EPS15: variants seen among roughly 807,000 people sequenced by gnomAD.
EPS15 encodes the protein epidermal growth factor receptor substrate 15.
Under a neutral mutation model 113.8 loss-of-function variants are expected in EPS15, and 72 were observed. That is an observed-to-expected ratio of 0.63 (90% CI 0.52 to 0.77). EPS15 has a LOEUF of 0.77. Among genes scored for constraint, EPS15 ranks in the 30% least tolerant of loss-of-function variants. The probability of loss-of-function intolerance (pLI) is 0.00; values close to 1 mark genes in which losing one functional copy is unlikely to be tolerated. For synonymous variants in EPS15, 344 were observed against 363.4 expected (o/e 0.95, Z 0.61); for missense variants, 1,048 against 1,045.8 (o/e 1.00, Z -0.03).
At chr1:51,490,434 G>A (rs891118532) in intron 1 of EPS15, 22 of 296,906 alleles carry the variant, frequency 7.4e-5, no homozygotes, top group East Asian at 1.3e-4. Flanking sequence ...GCGTGGTGGC[G>A]GGTGCCTGTA....
intron 2 of EPS15, among the ~76,000 whole-genome samples, chr1:51,478,667 T>G (rs1212330141): frequency 6.6e-6 from 1 of 151,608 alleles, no homozygotes; most frequent in African/African-American, 2.4e-5. Flanking sequence ...ACAAAATCTC[T>G]CAGCATTTGC....
chr1:51,380,217 T>A (rs1245065369), intron 21 of EPS15, among the ~76,000 whole-genome samples: 1 of 148,646 alleles, frequency 6.7e-6, no homozygotes, highest in African/African-American at 2.5e-5. Context: ...AGAGCAAAAC[T>A]CTGCCTCAAA....
Position 51,409,607 on chromosome 1 carries a change from C to T in EPS15, c.1203G>A (p.Leu401=). The T allele has an allele frequency of 1.2e-6, 2 of 1,614,060 alleles. No homozygotes were observed. The highest frequency in any genetic ancestry group is 1.7e-6 in the Non-Finnish European group (2 of 1,179,956). The change falls in exon 14 of 25, where the codon CTG becomes CTA. Residue 401 remains leucine, a synonymous_variant. Transcript: ENST00000371733. ...KQQVQELLDE[L]DEQKAQLEEQ... is the part of the protein sequence containing the mutation. ...CCTCCAGCTGGGCTTTCTGCTCATC[C>T]AGTTCATCAAGGAGTTCCTGTACCT...
intron 21 of EPS15, among the ~76,000 whole-genome samples, chr1:51,388,233 C>T (rs374129509): frequency 2.3e-4 from 35 of 151,780 alleles, no homozygotes; most frequent in African/African-American, 8.0e-4. Context: ...GGGTACATAA[C>T]GAAATGAAGG....
intron 12 of EPS15, 27 bp downstream of exon 12, chr1:51,440,318 TGA>T (rs1652494842): frequency 2.3e-6 from 2 of 883,956 alleles, no homozygotes; most frequent in Non-Finnish European, 3.7e-6. Flanking sequence ...TGTGTGTATG[TGA>T]GTAGGCTGTA....
intron 1 of EPS15, among the ~76,000 whole-genome samples, chr1:51,491,620 C>A (rs1267538171): frequency 1.3e-5 from 2 of 151,996 alleles, no homozygotes; most frequent in African/African-American, 4.8e-5. Flanking sequence ...AAAATAGAAA[C>A]CGGAAGCTGT....
chr1:51,466,933 T>A (rs1052844187), intron 5 of EPS15, among the ~76,000 whole-genome samples: 2 of 152,076 alleles, frequency 1.3e-5, no homozygotes, highest in Admixed American at 1.3e-4. Context: ...AAAGAGTTAA[T>A]GTCCTAATAA....
At chr1:51,489,781 T>C (rs1570415734) in intron 1 of EPS15, among the ~76,000 whole-genome samples, 1 of 152,108 alleles carries the variant, frequency 6.6e-6, no homozygotes, top group Non-Finnish European at 1.5e-5. Context: ...CAGTTCCAAG[T>C]AGAAGCTTCA....
chr1:51,490,564 C>CAA (rs60149665), intron 1 of EPS15, among the ~76,000 whole-genome samples: 74 of 76,368 alleles, frequency 9.7e-4, no homozygotes, highest in Non-Finnish European at 1.2e-3. Context: ...GACTCCATCT[C>CAA]AAAAAAAAAA....
intron 23 of EPS15, among the ~76,000 whole-genome samples, chr1:51,362,161 A>G (rs970612272): frequency 6.6e-6 from 1 of 152,220 alleles, no homozygotes; most frequent in Non-Finnish European, 1.5e-5. Context: ...AATAGCAATC[A>G]TAACAACAGA....
chr1:51,512,035 T>C (rs1644630728), intron 1 of EPS15, among the ~76,000 whole-genome samples: 1 of 152,226 alleles, frequency 6.6e-6, no homozygotes, highest in Non-Finnish European at 1.5e-5. Context: ...TTTGAAAGCC[T>C]TATTTATATC....
intron 5 of EPS15, among the ~76,000 whole-genome samples, chr1:51,466,090 A>G (rs899856534): frequency 1.3e-5 from 2 of 148,626 alleles, no homozygotes; most frequent in African/African-American, 5.0e-5. Flanking sequence ...CTAGATTTAA[A>G]AAACATGTCA....
rs185743825 is a variant in EPS15, at chr1:51,373,002, C to G, written c.2120-6973G>C. ...TGCAGCAGTCTGTCAAGGCCTTGTA[C>G]CTGAAGATCAACGACCAAATGGCAG... On this transcript the variant is annotated intron_variant, in intron 21 of 24. Coordinates refer to ENST00000371733, the MANE Select transcript of EPS15 (RefSeq NM_001981.3). 5.0e-5 allele frequency: 14 copies of G among 279,980 alleles called. No homozygotes were observed. The Admixed American group carries it at 6.8e-4, about 14-fold the overall frequency. 17.3% of individuals were successfully genotyped at this position (279,980 alleles called of 1,614,324 possible).
intron 12 of EPS15, among the ~76,000 whole-genome samples, chr1:51,424,413 T>C (rs1236697673): frequency 1.5e-4 from 23 of 152,206 alleles, no homozygotes; most frequent in Admixed American, 1.5e-3. Context: ...TCTTATATTC[T>C]CCCTAATTTT....
intron 8 of EPS15, among the ~76,000 whole-genome samples, chr1:51,459,557 A>AT (rs1164866445): frequency 6.6e-6 from 1 of 152,124 alleles, no homozygotes; most frequent in Non-Finnish European, 1.5e-5. Flanking sequence ...TAAAACTCTA[A>AT]TATCCTCCAA....
intron 12 of EPS15, among the ~76,000 whole-genome samples, chr1:51,426,776 T>C (rs1353045045): frequency 1.3e-5 from 2 of 151,566 alleles, no homozygotes; most frequent in Admixed American, 1.3e-4. Context: ...ATGTCGGACT[T>C]GCCAGCTCCC....
rs769327819 is a variant in EPS15 at position 51,481,325 on chromosome 1, C to T, written c.34-11G>A. 8.7e-7 allele frequency: 1 copy of T among 1,149,310 alleles called. No individual in the cohort carries two copies. The highest frequency in any genetic ancestry group is 1.3e-6 in the Non-Finnish European group (1 of 761,716). The allele number at this position is 1,149,310 out of a possible 1,614,324, so 71.2% of individuals were successfully genotyped here. On this transcript the variant is annotated splice_polypyrimidine_tract_variant and intron_variant, in intron 1 of 24. Coordinates refer to ENST00000371733, the MANE Select transcript of EPS15 (RefSeq NM_001981.3). ...ATTCCCACTTGATAACTGAAATAAA[C>T]ACATTAATAAAAATTAGATGCTATT...
chr1:51,438,871 T>C (rs971111271), intron 12 of EPS15, among the ~76,000 whole-genome samples: 8 of 150,822 alleles, frequency 5.3e-5, no homozygotes, highest in Non-Finnish European at 1.0e-4. Flanking sequence ...TGGATTTGAT[T>C]TTTTTTTTTC....
At chr1:51,465,350 C>G (rs374269670) in intron 5 of EPS15, 24 bp from the exon 6 acceptor site, 18 of 1,537,190 alleles carry the variant, frequency 1.2e-5, no homozygotes, top group African/African-American at 1.4e-5. Context: ...TAAAGCACAA[C>G]AAGAGTTGAA....
Sources: allele counts gnomAD v4.1 joint callset (sites outside exome capture counted in the v4.1 genomes callset), GRCh38; gene constraint gnomAD v4.1.1; transcripts MANE v1.5; gene names NCBI Gene and HGNC (gene_info 2026-07-23, HGNC 2026-07-21).